Variants in TNKS observed in about 807,000 individuals in gnomAD.
TNKS encodes the protein tankyrase.
TNKS carries 72 observed loss-of-function variants against 135.8 expected under a neutral mutation model. The observed-to-expected ratio is 0.53, with a 90% CI of 0.44 to 0.64. TNKS has a LOEUF of 0.64. TNKS is among the 30% of genes least tolerant of loss of function. The probability of loss-of-function intolerance (pLI) is 0.00; values close to 1 mark genes in which losing one functional copy is unlikely to be tolerated. For synonymous variants in TNKS, 849 were observed against 649.3 expected (o/e 1.31, Z -4.68); for missense variants, 1,769 against 1,674.0 (o/e 1.06, Z -0.99).
rs1441177763 is a variant in TNKS at position 9,709,904 on chromosome 8, A to G, written c.1579-51A>G. 2.2e-6 allele frequency: 3 copies of G among 1,378,554 alleles called. No homozygotes were observed. The Admixed American group carries it at 5.1e-5, about 24-fold the overall frequency. 85.4% of individuals were successfully genotyped at this position (1,378,554 alleles called of 1,614,324 possible). ...CAGATACTGTTCAATTCCAAGAGCT[A>G]CTGTACATATGGAAGTGTATTTTAT... On this transcript the variant is annotated intron_variant, in intron 9 of 26. Transcript: ENST00000310430.
At chr8:9,687,935 T>G (rs1803082717) in intron 5 of TNKS, among the ~76,000 whole-genome samples, 1 of 152,170 alleles carries the variant, frequency 6.6e-6, no homozygotes, top group South Asian at 2.1e-4. Flanking sequence ...AAACCGAACT[T>G]TACATTAGTA....
chr8:9,747,761 G>A (rs1806312057), intron 17 of TNKS, among the ~76,000 whole-genome samples: 1 of 152,032 alleles, frequency 6.6e-6, no homozygotes, highest in Non-Finnish European at 1.5e-5. Flanking sequence ...ATATTAGAGG[G>A]ATGCATTTTT....
At position 9,644,938 on chromosome 8, in the gene TNKS, C is replaced by T. The variant is rs554320232; in HGVS notation, c.994+29261C>T. Among the ~76,000 whole-genome samples, 4 of 152,152 alleles carry T rather than the reference C, an allele frequency of 2.6e-5. No homozygotes were observed. In the South Asian group the frequency reaches 8.3e-4, roughly 32 times the overall value. On this transcript the variant is annotated intron_variant, in intron 3 of 26. Transcript: ENST00000310430. ...AGGCTTTGTGTGAGATGATTTTGCC[C>T]CACTATAGGCCAATGTAAGTCTTCT... is the stretch of plus-strand genomic sequence containing the variant.
At chr8:9,702,786 C>T (rs1412219280) in intron 5 of TNKS, among the ~76,000 whole-genome samples, 1 of 152,052 alleles carries the variant, frequency 6.6e-6, no homozygotes, top group African/African-American at 2.4e-5. Context: ...GAGGTGGAGG[C>T]GGGTGGATCA....
At chr8:9,767,479 A>G (rs1393939100) in intron 25 of TNKS, among the ~76,000 whole-genome samples, 1 of 152,212 alleles carries the variant, frequency 6.6e-6, no homozygotes, top group Non-Finnish European at 1.5e-5. Flanking sequence ...AAAAGACCCA[A>G]ATAATTTCAG....
intron 3 of TNKS, among the ~76,000 whole-genome samples, chr8:9,658,038 C>T (rs1801499846): frequency 6.0e-5 from 4 of 66,368 alleles, no homozygotes; most frequent in South Asian, 6.9e-4. Flanking sequence ...ACATCTCAGA[C>T]GATGGGCGGC....
chr8:9,718,134 T>G (rs1804699059), intron 11 of TNKS, among the ~76,000 whole-genome samples: 1 of 152,182 alleles, frequency 6.6e-6, no homozygotes, highest in Non-Finnish European at 1.5e-5. Flanking sequence ...AACCTATCAT[T>G]TGTTCTTCTA....
At position 9,782,200 on chromosome 8, in the gene TNKS, G is replaced by T. The variant is rs371823423; in HGVS notation, c.*5464G>T. On this transcript the variant is annotated 3_prime_UTR_variant, in exon 27 of 27. Transcript: ENST00000310430. ...ACCCTCCACTTCTTTCCAAAGGAGG[G>T]CATCAAGGAACTTAACCTGCCTGCC... The T allele has an allele frequency of 6.6e-6, 1 of 152,536 alleles. No individual in the cohort carries two copies. Among genetic ancestry groups the T allele is most frequent in the Non-Finnish European group, 1.5e-5 (1 of 68,046 alleles). The allele number at this position is 152,536 out of a possible 1,614,324, so 9.4% of individuals were successfully genotyped here.
intron 18 of TNKS, 88 bp downstream of exon 18, chr8:9,748,300 C>G (rs185211544): frequency 1.7e-6 from 2 of 1,171,522 alleles, no homozygotes; most frequent in African/African-American, 3.2e-5. Flanking sequence ...TACTTTTAGT[C>G]GTGTTTATTT....
At chr8:9,569,198 G>T (rs1797666501) in intron 1 of TNKS, among the ~76,000 whole-genome samples, 1 of 152,176 alleles carries the variant, frequency 6.6e-6, no homozygotes, top group South Asian at 2.1e-4. Flanking sequence ...TTTCCTAAAA[G>T]ATTCTAATAA....
intron 3 of TNKS, among the ~76,000 whole-genome samples, chr8:9,676,006 AT>A (rs760646836): frequency 0.034 from 4,460 of 130,838 alleles, 112 homozygotes; most frequent in African/African-American, 0.091. Context: ...AAAAGTCAGA[AT>A]TTTTTTTTTT....
chr8:9,667,578 C>G (rs1464406593), intron 3 of TNKS, among the ~76,000 whole-genome samples: 1 of 152,142 alleles, frequency 6.6e-6, no homozygotes, highest in Non-Finnish European at 1.5e-5. Context: ...ACTGTCTTGT[C>G]TTTGTTGTGA....
chr8:9,629,742 G>T (rs1001979107), intron 3 of TNKS, among the ~76,000 whole-genome samples: 2 of 152,192 alleles, frequency 1.3e-5, no homozygotes, highest in African/African-American at 2.4e-5. Flanking sequence ...GAGTGCAGTG[G>T]TGTCATCTCG....
At chr8:9,620,233 C>T (rs1799814545) in intron 3 of TNKS, among the ~76,000 whole-genome samples, 1 of 152,152 alleles carries the variant, frequency 6.6e-6, no homozygotes, top group East Asian at 1.9e-4. Flanking sequence ...AGGTGTGAGC[C>T]ACCGTGCCCG....
At chr8:9,677,904 A>T (rs1802613489) in intron 3 of TNKS, among the ~76,000 whole-genome samples, 1 of 151,972 alleles carries the variant, frequency 6.6e-6, no homozygotes, top group South Asian at 2.1e-4. Flanking sequence ...CTTCTCCCTG[A>T]CCCTGCTTCA....
intron 3 of TNKS, 133 bp from the exon 4 acceptor site, chr8:9,679,818 G>A (rs1473378535): frequency 2.0e-5 from 13 of 658,308 alleles, no homozygotes; most frequent in South Asian, 2.1e-5. Flanking sequence ...CTAACGTCAC[G>A]GCTCCATCAC....
chr8:9,738,860 A>C (rs1466580083), intron 17 of TNKS, among the ~76,000 whole-genome samples: 1 of 135,902 alleles, frequency 7.4e-6, no homozygotes, highest in East Asian at 2.2e-4. Context: ...GTGGTGCTGA[A>C]AAAAATGTAT....
chr8:9,763,154 T>C lies in TNKS; in HGVS notation c.3282T>C (p.Asn1094=), dbSNP rs778846083. The C allele has an allele frequency of 1.9e-6, 3 of 1,586,006 alleles. No individual in the cohort carries two copies. Among genetic ancestry groups the C allele is most frequent in the Non-Finnish European group, 2.6e-6 (3 of 1,163,478 alleles). ...AATTTTTCTCTCCGACAGGCACCAATCCTTATTTGACTTTTCACTGTGTTA... is the reference window on the plus strand; with the variant it reads ...AATTTTTCTCTCCGACAGGCACCAACCCTTATTTGACTTTTCACTGTGTTA... The part of the protein sequence containing the change: ...ERLLGGQQGT[N]PYLTFHCVNQ... The change falls in exon 22 of 27, where the codon AAT becomes AAC. Residue 1094 remains asparagine (N), a synonymous_variant. Coordinates refer to ENST00000310430, the MANE Select transcript of TNKS (RefSeq NM_003747.3).
intron 5 of TNKS, among the ~76,000 whole-genome samples, chr8:9,704,288 G>A (rs1803949846): frequency 6.6e-6 from 1 of 152,194 alleles, no homozygotes; most frequent in African/African-American, 2.4e-5. Flanking sequence ...AAATTGAAAG[G>A]AGGACAGGAT....
Sources: allele counts gnomAD v4.1 joint callset (sites outside exome capture counted in the v4.1 genomes callset), GRCh38; gene constraint gnomAD v4.1.1; transcripts MANE v1.5; gene names NCBI Gene and HGNC (gene_info 2026-07-23, HGNC 2026-07-21).